Variants in CRTAM observed in about 807,000 individuals in gnomAD.
The protein encoded by CRTAM is cytotoxic and regulatory T-cell molecule.
CRTAM carries 44 observed loss-of-function variants against 50.0 expected under a neutral mutation model. The ratio of observed to expected loss-of-function variants is 0.88; its 90% CI spans 0.69 to 1.13. The LOEUF (loss-of-function observed/expected upper bound fraction) is 1.13, where lower values mean the gene tolerates loss of function less well. CRTAM is among the 50% of genes most tolerant of loss of function. CRTAM has a pLI of 0.00. For missense variants in CRTAM, 448 were observed against 457.5 expected (o/e 0.98, Z 0.19); for synonymous variants, 159 against 169.3 (o/e 0.94, Z 0.47).
At chr11:122,854,672 AAAAG>A in intron 4 of CRTAM, among the ~76,000 whole-genome samples, 2 of 151,940 alleles carry the variant, frequency 1.3e-5, no homozygotes, top group Non-Finnish European at 1.5e-5. Context: ...AAAAAAAAAA[AAAAG>A]AAGAAGTATA....
chr11:122,870,280 CAT>C (rs1021764608), intron 9 of CRTAM, among the ~76,000 whole-genome samples: 2 of 151,714 alleles, frequency 1.3e-5, no homozygotes, highest in African/African-American at 4.8e-5. Context: ...GGGGTTTCAC[CAT>C]GTTGCCCAGG....
chr11:122,859,333 A>C (rs1862043162), intron 5 of CRTAM, among the ~76,000 whole-genome samples: 1 of 150,898 alleles, frequency 6.6e-6, no homozygotes, highest in African/African-American at 2.4e-5. Context: ...CTGATCTTGA[A>C]CTCCTGACCT....
chr11:122,863,276 G>GAAAA (rs1183305303), intron 6 of CRTAM, among the ~76,000 whole-genome samples: 1 of 121,928 alleles, frequency 8.2e-6, no homozygotes, highest in Non-Finnish European at 1.7e-5. Context: ...GAAAGAAAAA[G>GAAAA]AAAGAAAGAA....
chr11:122,865,523 G>A (rs1483328960), intron 7 of CRTAM, among the ~76,000 whole-genome samples: 1 of 151,866 alleles, frequency 6.6e-6, no homozygotes, highest in Non-Finnish European at 1.5e-5. Flanking sequence ...CAGGGCTCAA[G>A]AGATCTCCTA....
chr11:122,859,209 A>G (rs1258133077), intron 5 of CRTAM, among the ~76,000 whole-genome samples: 1 of 152,090 alleles, frequency 6.6e-6, no homozygotes, highest in African/African-American at 2.4e-5. Flanking sequence ...CCTGGGTTCC[A>G]GTGATTCTCC....
chr11:122,869,186 A>AT (rs1329380842), intron 9 of CRTAM, among the ~76,000 whole-genome samples: 1 of 152,134 alleles, frequency 6.6e-6, no homozygotes, highest in Non-Finnish European at 1.5e-5. Context: ...GCCATCCTTG[A>AT]CTGTTTGACG....
rs528804617 is a variant in CRTAM, at chr11:122,868,788, C to G, written c.1051+689C>G. On this transcript the variant is annotated intron_variant, in intron 9 of 9. Coordinates refer to ENST00000227348, the MANE Select transcript of CRTAM (RefSeq NM_019604.4). ...CTTTGGGAGGCCGAGGCGGGCGGAT[C>G]ACGAGGTCAGGAGATCGAGACCATC... 5.8e-4 allele frequency among the ~76,000 whole-genome samples: 89 copies of G among 152,282 alleles called. No homozygotes were observed. In the South Asian group the frequency reaches 0.017, roughly 30 times the overall value.
Position 122,868,093 on chromosome 11 carries a change from G to A in CRTAM, c.1045G>A (p.Gly349Ser). 6.2e-7 allele frequency: 1 copy of A among 1,602,496 alleles called. No individual in the cohort carries two copies. The highest frequency in any genetic ancestry group is 1.1e-5 in the South Asian group (1 of 90,812). ...NEETSSEEKN[G>S]QSSHPMRCMN... is the part of the protein sequence containing the mutation. ...AGAAACATCATCTGAAGAGAAAAAT[G>A]GCCAATGTAAGTCAACTGTATGACC... is the stretch of plus-strand genomic sequence containing the variant. The change falls in exon 9 of 10, where the codon GGC becomes AGC. Residue 349 changes from glycine to serine, a missense_variant. Physicochemically the swap from Gly to Ser is moderately conservative, Grantham distance 56 (BLOSUM62 0). Coordinates refer to ENST00000227348, the MANE Select transcript of CRTAM (RefSeq NM_019604.4).
intron 1 of CRTAM, 37 bp downstream of exon 1, chr11:122,838,629 G>T: frequency 6.2e-7 from 1 of 1,605,936 alleles, no homozygotes; most frequent in South Asian, 1.1e-5. Flanking sequence ...TTGCTCAGCT[G>T]ACTTAATGTT....
intron 5 of CRTAM, among the ~76,000 whole-genome samples, chr11:122,858,055 G>A (rs888939185): frequency 6.6e-6 from 1 of 152,034 alleles, no homozygotes; most frequent in Admixed American, 6.6e-5. Flanking sequence ...TAGTACTACA[G>A]GCATGCACCA....
chr11:122,860,513 T>C (rs1289493418), intron 5 of CRTAM, among the ~76,000 whole-genome samples: 1 of 152,212 alleles, frequency 6.6e-6, no homozygotes, highest in Admixed American at 6.5e-5. Flanking sequence ...TCAGTCTAAA[T>C]GCAATAGTTT....
intron 6 of CRTAM, among the ~76,000 whole-genome samples, chr11:122,863,990 G>GA (rs1035882711): frequency 9.7e-4 from 145 of 149,824 alleles, no homozygotes; most frequent in African/African-American, 2.6e-3. Flanking sequence ...GTAAAATCTG[G>GA]AAAAAAAAAC....
chr11:122,868,168 A>G, intron 9 of CRTAM, 69 bp downstream of exon 9: 1 of 938,932 alleles, frequency 1.1e-6, no homozygotes, highest in Non-Finnish European at 1.7e-6. Context: ...ATTTCTCCAG[A>G]GAGACAGAGA....
chr11:122,840,089 C>A (rs778093684), intron 1 of CRTAM, among the ~76,000 whole-genome samples: 1 of 152,112 alleles, frequency 6.6e-6, no homozygotes, highest in Non-Finnish European at 1.5e-5. Context: ...TTAACTTTTT[C>A]AGGCTTTGAG....
intron 1 of CRTAM, among the ~76,000 whole-genome samples, chr11:122,847,326 G>T (rs1861878351): frequency 6.6e-6 from 1 of 152,132 alleles, no homozygotes; most frequent in South Asian, 2.1e-4. Context: ...GCTCCTCGGT[G>T]CAACAGGTTC....
rs1862099280 is a variant in CRTAM, at chr11:122,862,488, A to G, written c.677A>G (p.Asp226Gly). ...DLVTDEETAS[D>G]ALERNSLSSQ... ...GTTACTGATGAAGAGACAGCTTCAG[A>G]TGCTCTGGAGAGAAACTCTCTATCC... The change falls in exon 6 of 10, where the codon GAT becomes GGT. Residue 226 changes from aspartate (D) to glycine (G), a missense_variant. Transcript: ENST00000227348. The G allele has an allele frequency of 1.9e-6, 3 of 1,613,320 alleles. No individual in the cohort carries two copies. Among genetic ancestry groups the G allele is most frequent in the Non-Finnish European group, 2.5e-6 (3 of 1,179,188 alleles).
chr11:122,861,493 T>C (rs35404036), intron 5 of CRTAM, among the ~76,000 whole-genome samples: 1 of 137,332 alleles, frequency 7.3e-6, no homozygotes, highest in Admixed American at 8.1e-5. Context: ...TTGAGTGCAG[T>C]GGTGCCATCT....
chr11:122,867,629 C>T, intron 8 of CRTAM, 74 bp downstream of exon 8: 1 of 1,445,760 alleles, frequency 6.9e-7, no homozygotes, highest in Non-Finnish European at 9.5e-7. Context: ...AAATTCTGTC[C>T]ATTAAAGCTT....
intron 4 of CRTAM, 108 bp downstream of exon 4, chr11:122,854,194 T>C: frequency 9.4e-7 from 1 of 1,063,816 alleles, no homozygotes; most frequent in East Asian, 2.5e-5. Context: ...AGACATCATT[T>C]AATATTTCAT....
Sources: allele counts gnomAD v4.1 joint callset (sites outside exome capture counted in the v4.1 genomes callset), GRCh38; gene constraint gnomAD v4.1.1; transcripts MANE v1.5; gene names NCBI Gene and HGNC (gene_info 2026-07-23, HGNC 2026-07-21).